ZGRF1: variants seen among roughly 807,000 people sequenced by gnomAD.
ZGRF1 encodes the protein zinc finger GRF-type containing 1.
A neutral mutation model predicts 203.5 loss-of-function variants in ZGRF1; 196 were observed. The ratio of observed to expected loss-of-function variants is 0.96; its 90% confidence interval spans 0.86 to 1.08. The LOEUF (loss-of-function observed/expected upper bound fraction) is 1.08, where lower values mean the gene tolerates loss of function less well. ZGRF1 is among the 50% of genes least tolerant of loss of function. The probability of loss-of-function intolerance (pLI) is 0.00; values close to 1 mark genes in which losing one functional copy is unlikely to be tolerated. For synonymous variants in ZGRF1, 809 were observed against 841.3 expected (o/e 0.96, Z 0.66); for missense variants, 2,326 against 2,416.3 (o/e 0.96, Z 0.78).
chr4:112,632,054 A>G lies in ZGRF1; in HGVS notation c.22-44T>C, dbSNP rs577506689. 4 of 955,136 alleles carry G rather than the reference A, an allele frequency of 4.2e-6. No individual in the cohort carries two copies. The East Asian group carries it at 8.5e-5, about 20-fold the overall frequency. The allele number at this position is 955,136 out of a possible 1,614,324, so 59.2% of individuals were successfully genotyped here. A position where few individuals can be genotyped will look rare whatever the true frequency, so the allele number is the denominator to read the frequency against. ...AAAGAAATGGTTTCCATTTATATATATTTAATGTTATGTATTTTATATATC... is the reference window on the plus strand; with the variant it reads ...AAAGAAATGGTTTCCATTTATATATGTTTAATGTTATGTATTTTATATATC... On this transcript the variant is annotated intron_variant, in intron 2 of 27. Transcript: ENST00000505019.
intron 10 of ZGRF1, among the ~76,000 whole-genome samples, chr4:112,590,789 G>A (rs979260143): frequency 1.1e-4 from 16 of 151,908 alleles, no homozygotes; most frequent in Non-Finnish European, 1.3e-4. Context: ...AGCCGGACAT[G>A]GTGGCATGTG....
In ZGRF1 at chr4:112,585,641, A is replaced by G; in HGVS notation, c.4001T>C (p.Leu1334Ser). Residue 1334 changes from leucine to serine, a missense_variant, in exon 14 of 28, where the codon TTG becomes TCG. By Grantham distance (145) the Leu-to-Ser change is moderately radical. Transcript: ENST00000505019. ...TGCGTTTTTCAGTTTCTCTCCCTTC[A>G]ATGATGTATAAAATGATATGTCAAC... is the stretch of plus-strand genomic sequence containing the variant. ...SKVDISFYTS[L>S]KGEKLKNAEN... 6.2e-7 allele frequency: 1 copy of G among 1,611,106 alleles called. No individual in the cohort carries two copies. Among genetic ancestry groups the G allele is most frequent in the Non-Finnish European group, 8.5e-7 (1 of 1,178,572 alleles).
In ZGRF1 at chr4:112,606,081, GA is replaced by G; in HGVS notation, c.2728del (p.Ser910ArgfsTer17). On this transcript the variant is annotated frameshift_variant, in exon 9 of 28. Transcript: ENST00000505019. LOFTEE classifies it high-confidence loss of function. ...EPLQSVQFSSSGSKEETAFQA... is the reference protein window; with the variant it reads ...EPLQSVQFSSXGSKEETAFQA... ...AAAAGCAGTCTCTTCTTTACTTCCCGAGGAAGAGAACTAGGATAAAATATGA... is the reference window on the plus strand; with the variant it reads ...AAAAGCAGTCTCTTCTTTACTTCCCGGGAAGAGAACTAGGATAAAATATGA... The G allele has an allele frequency of 6.3e-7, 1 of 1,585,364 alleles. No homozygotes were observed. Among genetic ancestry groups the G allele is most frequent in the Non-Finnish European group, 8.6e-7 (1 of 1,160,528 alleles).
intron 16 of ZGRF1, chr4:112,564,927 C>T: frequency 1.4e-6 from 1 of 732,364 alleles, no homozygotes; most frequent in Non-Finnish European, 2.5e-6. Flanking sequence ...GCCAGCGCCG[C>T]CTGTCGCTGA....
intron 10 of ZGRF1, among the ~76,000 whole-genome samples, chr4:112,590,347 G>C (rs1747942762): frequency 6.6e-6 from 1 of 152,140 alleles, no homozygotes; most frequent in South Asian, 2.1e-4. Flanking sequence ...CAGCTATACA[G>C]TTCATATGTT....
At chr4:112,583,678 C>A (rs1746661752) in intron 15 of ZGRF1, among the ~76,000 whole-genome samples, 1 of 151,976 alleles carries the variant, frequency 6.6e-6, no homozygotes, top group Non-Finnish European at 1.5e-5. Flanking sequence ...GTGGCATGTG[C>A]CTGAAGTCCT....
rs191865005 is a variant in ZGRF1 at position 112,613,808 on chromosome 4, A to G, written c.2603-1220T>C. Among the ~76,000 whole-genome samples the G allele has an allele frequency of 3.9e-5, 6 of 152,334 alleles. No individual in the cohort carries two copies. The East Asian group carries it at 1.2e-3, about 29-fold the overall frequency. On this transcript the variant is annotated intron_variant, in intron 6 of 27. Transcript: ENST00000505019. Reference sequence around the variant, plus strand: ...TTTCTTAAAAAAAAGTACATATTCAATAATCTCCTCTTCTAAAATCACAAA... The same window carrying G: ...TTTCTTAAAAAAAAGTACATATTCAGTAATCTCCTCTTCTAAAATCACAAA...
chr4:112,603,192 A>T (rs1488805072), intron 10 of ZGRF1, among the ~76,000 whole-genome samples: 1 of 152,178 alleles, frequency 6.6e-6, no homozygotes. Context: ...GTCATATTTA[A>T]AGAGAGAAGG....
chr4:112,614,364 T>C (rs1347522378), intron 6 of ZGRF1, among the ~76,000 whole-genome samples: 1 of 152,254 alleles, frequency 6.6e-6, no homozygotes, highest in Non-Finnish European at 1.5e-5. Flanking sequence ...TCATGGTCAT[T>C]TGCAGACATA....
chr4:112,621,369 A>T (rs2047052894), intron 4 of ZGRF1, among the ~76,000 whole-genome samples: 1 of 152,060 alleles, frequency 6.6e-6, no homozygotes, highest in Non-Finnish European at 1.5e-5. Context: ...TAAGATTATC[A>T]CCAGACGCAG....
chr4:112,590,791 T>C (rs2149040477), intron 10 of ZGRF1, among the ~76,000 whole-genome samples: 1 of 152,018 alleles, frequency 6.6e-6, no homozygotes, highest in South Asian at 2.1e-4. Context: ...CCGGACATGG[T>C]GGCATGTGCC....
intron 19 of ZGRF1, among the ~76,000 whole-genome samples, chr4:112,558,898 A>C (rs910909823): frequency 6.6e-6 from 1 of 152,252 alleles, no homozygotes; most frequent in Non-Finnish European, 1.5e-5. Context: ...AAGAAAATCT[A>C]TCTCTGTTTT....
At chr4:112,632,300 C>T (rs1048938916) in intron 2 of ZGRF1, among the ~76,000 whole-genome samples, 4 of 151,504 alleles carry the variant, frequency 2.6e-5, no homozygotes, top group African/African-American at 9.7e-5. Flanking sequence ...AGGAGAAATC[C>T]AAGGAAGAAA....
At chr4:112,605,744 T>TCCAA in intron 9 of ZGRF1, 1 of 389,140 alleles carries the variant, frequency 2.6e-6, no homozygotes, top group South Asian at 2.9e-5. Context: ...TGGCTTTGTG[T>TCCAA]CCAACCCCTA....
At position 112,620,109 on chromosome 4, in the gene ZGRF1, C is replaced by CAATA. The variant is rs769741636; in HGVS notation, c.240_243dup (p.Val82TyrfsTer3). 4 of 1,613,618 alleles carry CAATA rather than the reference C, an allele frequency of 2.5e-6. No homozygotes were observed. The highest frequency in any genetic ancestry group is 1.1e-5 in the South Asian group (1 of 91,048). On this transcript the variant is annotated frameshift_variant, in exon 5 of 28. Coordinates refer to ENST00000505019, the MANE Select transcript of ZGRF1 (RefSeq NM_018392.5). LOFTEE classifies it high-confidence loss of function. ...GCTTCTTTATTGACATTCTGCTTAA[C>CAATA]AATACCTATGGCTCCAGCAACTTTA...
chr4:112,632,468 T>C lies in ZGRF1; in HGVS notation c.22-458A>G, dbSNP rs1370800336. Among the ~76,000 whole-genome samples the C allele has an allele frequency of 2.0e-5, 3 of 152,148 alleles. No homozygotes were observed. In the South Asian group the frequency reaches 6.2e-4, roughly 32 times the overall value. ...TCTCCAAGACCTTTACAGGTATCTG[T>C]GAGGTCAAAACTATTTTCATGATGC... On this transcript the variant is annotated intron_variant, in intron 2 of 27. Transcript: ENST00000505019.
chr4:112,602,097 G>A (rs1217844104), intron 10 of ZGRF1, among the ~76,000 whole-genome samples: 1 of 152,000 alleles, frequency 6.6e-6, no homozygotes, highest in African/African-American at 2.4e-5. Flanking sequence ...CAGCTACTTG[G>A]GAGGCTGAGG....
Position 112,606,012 on chromosome 4 carries a change from G to A in ZGRF1, c.2798C>T (p.Pro933Leu). Residue 933 changes from proline to leucine, a missense_variant, in exon 9 of 28, where the codon CCT becomes CTT. Coordinates refer to ENST00000505019, the MANE Select transcript of ZGRF1 (RefSeq NM_018392.5). ...PKQIERKTCD[P>L]KPVEFQGHQV... ...GATGTTCTTCACAAATTTTACCTTA[G>A]GGTCACAGGTTTTTCTCTCTATTTG... 3 of 1,583,250 alleles carry A rather than the reference G, an allele frequency of 1.9e-6. No homozygotes were observed. The highest frequency in any genetic ancestry group is 2.6e-6 in the Non-Finnish European group (3 of 1,159,172).
At chr4:112,552,096 T>C (rs1740081445) in intron 22 of ZGRF1, among the ~76,000 whole-genome samples, 1 of 151,780 alleles carries the variant, frequency 6.6e-6, no homozygotes, top group African/African-American at 2.4e-5. Context: ...TGGCCAACAC[T>C]GTGAAACCCT....
Sources: gnomAD v4.1 joint callset for allele counts (sites outside exome capture counted in the v4.1 genomes callset) on GRCh38, gnomAD v4.1.1 for gene constraint, MANE v1.5 for transcripts, NCBI Gene and HGNC (gene_info 2026-07-23, HGNC 2026-07-21) for gene names.